Variants in PPP1R13B observed in about 807,000 individuals in gnomAD.
The protein encoded by PPP1R13B is apoptosis-stimulating of p53 protein 1.
A neutral mutation model predicts 119.8 loss-of-function variants in PPP1R13B; 44 were observed. The ratio of observed to expected loss-of-function variants is 0.37; its 90% CI spans 0.29 to 0.47. The LOEUF is 0.47. Ranked by LOEUF, PPP1R13B falls within the 20% of genes least tolerant of loss-of-function variation. The pLI is 0.99. For missense variants in PPP1R13B, 1,227 were observed against 1,413.5 expected, an observed-to-expected ratio of 0.87 and a Z score of 2.12; for synonymous variants, 542 against 561.5, an observed-to-expected ratio of 0.97 and a Z score of 0.49.
chr14:103,752,552 T>C (rs2084575759), intron 7 of PPP1R13B, among the ~76,000 whole-genome samples: 1 of 150,588 alleles, frequency 6.6e-6, no homozygotes, highest in Admixed American at 6.6e-5. Flanking sequence ...TTTTTTTTTT[T>C]GAGACAGAGT....
chr14:103,821,692 G>A (rs1406914402), intron 1 of PPP1R13B, among the ~76,000 whole-genome samples: 2 of 151,812 alleles, frequency 1.3e-5, no homozygotes, highest in Non-Finnish European at 2.9e-5. Context: ...CAGAGGTTGC[G>A]GTAAGCTGAG....
intron 2 of PPP1R13B, among the ~76,000 whole-genome samples, chr14:103,787,892 C>A (rs570473614): frequency 6.6e-6 from 1 of 152,028 alleles, no homozygotes; most frequent in South Asian, 2.1e-4. Flanking sequence ...CCTTGTGGTC[C>A]GCCCACCATG....
intron 6 of PPP1R13B, 41 bp downstream of exon 6, chr14:103,754,029 C>T: frequency 1.3e-6 from 2 of 1,595,860 alleles, no homozygotes; most frequent in South Asian, 1.1e-5. Flanking sequence ...TGGATCTGGG[C>T]CTGGTGAGAG....
In PPP1R13B at chr14:103,734,824, A is replaced by C; in HGVS notation, c.*330T>G. 4.3e-6 allele frequency: 2 copies of C among 466,184 alleles called. No homozygotes were observed. Among genetic ancestry groups the C allele is most frequent in the Non-Finnish European group, 8.3e-6 (2 of 239,540 alleles). 28.9% of individuals were successfully genotyped at this position (466,184 alleles called of 1,614,324 possible). On this transcript the variant is annotated 3_prime_UTR_variant, in exon 17 of 17. Coordinates refer to ENST00000202556, the MANE Select transcript of PPP1R13B (RefSeq NM_015316.3). ...GTGATGGCCTCGGGGCCAAGTCAGTAAGAGCTTCTGTCTTCACTGGCAACC... is the reference window on the plus strand; with the variant it reads ...GTGATGGCCTCGGGGCCAAGTCAGTCAGAGCTTCTGTCTTCACTGGCAACC...
chr14:103,746,619 A>G, intron 8 of PPP1R13B, 66 bp from the exon 9 acceptor site: 1 of 1,334,290 alleles, frequency 7.5e-7, no homozygotes, highest in Non-Finnish European at 1.0e-6. Flanking sequence ...AGCTTAGTGC[A>G]AGAGACTGCC....
At position 103,739,984 on chromosome 14, in the gene PPP1R13B, T is replaced by G. The variant is rs751017254; in HGVS notation, c.2432A>C (p.His811Pro). The G allele has an allele frequency of 6.2e-7, 1 of 1,613,648 alleles. No homozygotes were observed. The highest frequency in any genetic ancestry group is 1.1e-5 in the South Asian group (1 of 91,054). The change falls in exon 12 of 17, where the codon CAC becomes CCC. Residue 811 changes from histidine to proline, a missense_variant. Coordinates refer to ENST00000202556, the MANE Select transcript of PPP1R13B (RefSeq NM_015316.3). Reference protein sequence around the residue: ...PEELICPQTTHQTAEPAEDNN... With the variant: ...PEELICPQTTPQTAEPAEDNN... Reference sequence around the variant, plus strand: ...GTCCTCTGCCGGCTCGGCAGTTTGGTGGGTGGTTTGGGGACAGATGAGCTC... The same window carrying G: ...GTCCTCTGCCGGCTCGGCAGTTTGGGGGGTGGTTTGGGGACAGATGAGCTC...
chr14:103,811,834 A>G (rs1312940858), intron 1 of PPP1R13B, among the ~76,000 whole-genome samples: 1 of 151,746 alleles, frequency 6.6e-6, no homozygotes, highest in African/African-American at 2.4e-5. Flanking sequence ...AGGCTGGCAG[A>G]TCATGAGGTC....
chr14:103,784,912 G>A lies in PPP1R13B; in HGVS notation c.160C>T (p.Arg54Cys), dbSNP rs760390625. The change falls in exon 3 of 17, where the codon CGT becomes TGT. Residue 54 changes from arginine (R) to cysteine (C), a missense_variant and splice_region_variant. Transcript: ENST00000202556. Reference sequence around the variant, plus strand: ...ATCATATGATCAAAGGGTATGGGACGTTCTAGGAAAAAGACCACATCTTTT... The same window carrying A: ...ATCATATGATCAAAGGGTATGGGACATTCTAGGAAAAAGACCACATCTTTT... ...HLAEVWRGNE[R>C]PIPFDHMMYE... 1.3e-5 allele frequency: 21 copies of A among 1,558,804 alleles called. No homozygotes were observed. Among genetic ancestry groups the A allele is most frequent in the South Asian group, 5.9e-5 (5 of 84,766 alleles).
chr14:103,758,080 T>C (rs2084720190), intron 4 of PPP1R13B, among the ~76,000 whole-genome samples: 1 of 152,208 alleles, frequency 6.6e-6, no homozygotes, highest in Admixed American at 6.5e-5. Context: ...GGCTGTCAAA[T>C]GTTTAAGGAT....
intron 1 of PPP1R13B, among the ~76,000 whole-genome samples, chr14:103,822,860 C>A (rs1414007039): frequency 2.0e-5 from 3 of 151,894 alleles, no homozygotes; most frequent in Non-Finnish European, 4.4e-5. Flanking sequence ...TGAACAGGAA[C>A]AAGGAAAAGA....
Position 103,797,497 on chromosome 14 carries a change from T to C in PPP1R13B, c.31A>G (p.Ser11Gly). 6.2e-7 allele frequency: 1 copy of C among 1,612,898 alleles called. No homozygotes were observed. The highest frequency in any genetic ancestry group is 8.5e-7 in the Non-Finnish European group (1 of 1,179,012). ...TCTGTTAAAATCTGTTCATTGTTGC[T>C]CAAGAAAACAGTTAATATCATCTGT... is the stretch of plus-strand genomic sequence containing the variant. MMPMILTVFLSNNEQILTEVP... is the reference protein window; with the variant it reads MMPMILTVFLGNNEQILTEVP... The change falls in exon 2 of 17, where the codon AGC (serine) becomes GGC (glycine). Residue 11 changes from serine to glycine, a missense_variant. By Grantham distance (56) the Ser-to-Gly change is moderately conservative. Transcript: ENST00000202556.
In PPP1R13B at chr14:103,742,493, G is replaced by T. The variant is rs148324690; in HGVS notation, c.1320+161C>A. 7.8e-4 allele frequency among the ~76,000 whole-genome samples: 119 copies of T among 152,298 alleles called. No homozygotes were observed. The highest frequency in any genetic ancestry group is 2.8e-3 in the African/African-American group (115 of 41,564). ...GTGTGTGTACTCGTGGGCTGCTCAGGCTCTTAGGGCCCAGTAACCCTCTAG... is the reference window on the plus strand; with the variant it reads ...GTGTGTGTACTCGTGGGCTGCTCAGTCTCTTAGGGCCCAGTAACCCTCTAG... On this transcript the variant is annotated intron_variant, in intron 10 of 16. Transcript: ENST00000202556. The surrounding 1 kb of genome is among the most constrained non-coding windows in gnomAD (Gnocchi z 4.9).
intron 7 of PPP1R13B, among the ~76,000 whole-genome samples, chr14:103,751,135 C>T (rs1331799628): frequency 6.6e-6 from 1 of 152,152 alleles, no homozygotes; most frequent in Non-Finnish European, 1.5e-5. Flanking sequence ...GCCTTGGACT[C>T]CGTCTCAAAA....
chr14:103,735,242 A>G (rs753778587), intron 16 of PPP1R13B, 47 bp from the exon 17 acceptor site: 2 of 1,605,850 alleles, frequency 1.2e-6, no homozygotes, highest in Non-Finnish European at 1.7e-6. Flanking sequence ...ACACACAGGG[A>G]GCAGGGCCAG....
In PPP1R13B at chr14:103,736,162, C is replaced by T. The variant is rs375070779; in HGVS notation, c.3072G>A (p.Ala1024=). 25 of 1,614,052 alleles carry T rather than the reference C, an allele frequency of 1.5e-5. 2 individuals are homozygous for T. Among genetic ancestry groups the T allele is most frequent in the South Asian group, 1.2e-4 (11 of 91,092 alleles). ...EKLGVMNKGV[A]YALWDYEAQN... ...GGGCCTCGTAGTCCCACAGAGCATACGCCACACCTTTGTTCATCACACCCA... is the reference window on the plus strand; with the variant it reads ...GGGCCTCGTAGTCCCACAGAGCATATGCCACACCTTTGTTCATCACACCCA... The change falls in exon 16 of 17, where the codon GCG becomes GCA. Residue 1024 remains alanine (A), a synonymous_variant. Transcript: ENST00000202556.
At chr14:103,795,036 G>A (rs988985274) in intron 2 of PPP1R13B, among the ~76,000 whole-genome samples, 4 of 152,210 alleles carry the variant, frequency 2.6e-5, no homozygotes, top group South Asian at 4.2e-4. Flanking sequence ...CTCCGCCTCC[G>A]GGTTTCAAGG....
intron 1 of PPP1R13B, among the ~76,000 whole-genome samples, chr14:103,832,434 G>A (rs1414956162): frequency 6.6e-6 from 1 of 152,126 alleles, no homozygotes; most frequent in Non-Finnish European, 1.5e-5. Context: ...AGCTTCTAAT[G>A]ACTTAGAAGC....
In PPP1R13B at chr14:103,744,308, T is replaced by C. The variant is rs55657516; in HGVS notation, c.1151-1485A>G. Among the ~76,000 whole-genome samples, 240 of 152,318 alleles carry C rather than the reference T, an allele frequency of 1.6e-3. 1 individual carries two copies. Among genetic ancestry groups the C allele is most frequent in the African/African-American group, 5.5e-3 (228 of 41,570 alleles). On this transcript the variant is annotated intron_variant, in intron 9 of 16. Transcript: ENST00000202556. Reference sequence around the variant, plus strand: ...TATGATTGTAAAACTAAAAGCCTCATAATAAACTCAGAAATATCTTAATTT... The same window carrying C: ...TATGATTGTAAAACTAAAAGCCTCACAATAAACTCAGAAATATCTTAATTT...
At chr14:103,823,343 A>C (rs1005052950) in intron 1 of PPP1R13B, among the ~76,000 whole-genome samples, 9 of 151,752 alleles carry the variant, frequency 5.9e-5, no homozygotes, top group African/African-American at 1.9e-4. Flanking sequence ...TGTCTCAAAA[A>C]AAAGAAAAAA....
Sources: gnomAD v4.1 joint callset for allele counts (sites outside exome capture counted in the v4.1 genomes callset) on GRCh38, gnomAD v4.1.1 for gene constraint, Gnocchi (gnomAD v3.1) non-coding constraint, MANE v1.5 for transcripts, NCBI Gene and HGNC (gene_info 2026-07-23, HGNC 2026-07-21) for gene names.